Variants in REC114 observed in about 807,000 individuals in gnomAD.
REC114 encodes REC114 meiotic recombination protein.
A neutral mutation model predicts 31.3 loss-of-function variants in REC114; 27 were observed. That is an observed-to-expected ratio of 0.86 (90% confidence interval 0.64 to 1.19). The LOEUF (loss-of-function observed/expected upper bound fraction) is 1.19, where lower values mean the gene tolerates loss of function less well. REC114 is among the 50% of genes most tolerant of loss of function. REC114 has a pLI of 0.00. For missense variants in REC114, 344 were observed against 326.9 expected (o/e 1.05, Z -0.40); for synonymous variants, 134 against 127.7 (o/e 1.05, Z -0.33).
intron 1 of REC114, among the ~76,000 whole-genome samples, chr15:73,452,355 G>C (rs1254964754): frequency 6.6e-6 from 1 of 152,106 alleles, no homozygotes; most frequent in African/African-American, 2.4e-5. Flanking sequence ...CAAACAGAGA[G>C]CCAAATCATG....
rs531222757 is a variant in REC114 at position 73,474,101 on chromosome 15, C to G, written c.249+180C>G. On this transcript the variant is annotated intron_variant, in intron 2 of 5. Transcript: ENST00000331090. ...ACAGAAACGTACTGAATATTGCCTG[C>G]CCTAAAGGGGTTTAGGATTTTGTTG... Among the ~76,000 whole-genome samples, 20 of 152,234 alleles carry G rather than the reference C, an allele frequency of 1.3e-4. No homozygotes were observed. The South Asian group carries it at 4.2e-3, about 32-fold the overall frequency.
chr15:73,491,300 C>CTTAATTTTGTGTATT (rs1567868943), intron 2 of REC114, among the ~76,000 whole-genome samples: 1 of 151,472 alleles, frequency 6.6e-6, no homozygotes, highest in Non-Finnish European at 1.5e-5. Context: ...TGTGTATTTT[C>CTTAATTTTGTGTATT]TTAATTTCTT....
At position 73,558,155 on chromosome 15, in the gene REC114, ACAT is replaced by A. The variant is rs1405422168; in HGVS notation, c.637-1593_637-1591del. On this transcript the variant is annotated intron_variant, in intron 5 of 5. Transcript: ENST00000331090. ...AGGAGTTCAAGACTAGCCTGGCCTA[ACAT>A]CATATTGAGACCCCCATCTCTAAAA... Among the ~76,000 whole-genome samples the A allele has an allele frequency of 8.5e-5, 13 of 152,312 alleles. No homozygotes were observed. In the East Asian group the frequency reaches 2.5e-3, roughly 29 times the overall value.
chr15:73,468,243 T>G (rs117875431), intron 1 of REC114, among the ~76,000 whole-genome samples: 1,715 of 152,322 alleles, frequency 0.011, 86 homozygotes, highest in Admixed American at 0.084. Flanking sequence ...GAACAAAATA[T>G]TTCTCTCCAT....
intron 2 of REC114, among the ~76,000 whole-genome samples, chr15:73,479,469 A>G (rs1893263212): frequency 6.6e-6 from 1 of 152,114 alleles, no homozygotes; most frequent in Non-Finnish European, 1.5e-5. Flanking sequence ...ATTCTAGCAG[A>G]TTTCAAATAT....
intron 1 of REC114, among the ~76,000 whole-genome samples, chr15:73,473,496 G>A (rs1893163182): frequency 6.6e-6 from 1 of 152,122 alleles, no homozygotes; most frequent in Non-Finnish European, 1.5e-5. Context: ...TTTACAGAAA[G>A]AATACTGAGG....
Position 73,559,963 on chromosome 15 carries a change from T to G in REC114, c.*47T>G, listed in dbSNP as rs894288588. The G allele has an allele frequency of 1.3e-5, 18 of 1,436,670 alleles. No homozygotes were observed. Among genetic ancestry groups the G allele is most frequent in the Non-Finnish European group, 1.7e-5 (18 of 1,069,870 alleles). 89.0% of individuals were successfully genotyped at this position (1,436,670 alleles called of 1,614,324 possible). On this transcript the variant is annotated 3_prime_UTR_variant, in exon 6 of 6. Transcript: ENST00000331090. ...TAAGGAACTTCAAAGTATTGAAAAA[T>G]GCTTCCTCCTAAAATTAAAGAAGAT...
At chr15:73,515,332 CAT>C (rs1474149632) in intron 2 of REC114, among the ~76,000 whole-genome samples, 1 of 152,170 alleles carries the variant, frequency 6.6e-6, no homozygotes, top group Non-Finnish European at 1.5e-5. Context: ...ACAGAACAAT[CAT>C]ATGATTATTT....
In REC114 at chr15:73,544,395, G is replaced by A. The variant is rs577207016; in HGVS notation, c.333+3827G>A. On this transcript the variant is annotated intron_variant, in intron 3 of 5. Coordinates refer to ENST00000331090, the MANE Select transcript of REC114 (RefSeq NM_001042367.2). ...AACACTATTATTTAATTGACAAATG[G>A]AAGAAGTAAAATTTTCATTCCTTTT... Among the ~76,000 whole-genome samples the A allele has an allele frequency of 1.2e-4, 18 of 152,210 alleles. 2 individuals are homozygous for A. In the South Asian group the frequency reaches 3.7e-3, roughly 32 times the overall value.
At chr15:73,443,609 C>T (rs1033649174) in intron 1 of REC114, among the ~76,000 whole-genome samples, 2 of 152,104 alleles carry the variant, frequency 1.3e-5, no homozygotes, top group Non-Finnish European at 2.9e-5. Flanking sequence ...ATTTATTGAG[C>T]GTCAAGTATG....
chr15:73,471,292 G>A (rs1255994397), intron 1 of REC114, among the ~76,000 whole-genome samples: 1 of 152,200 alleles, frequency 6.6e-6, no homozygotes, highest in African/African-American at 2.4e-5. Flanking sequence ...AGGATTTGCT[G>A]ATGGATTGGA....
chr15:73,482,464 G>A (rs1304019252), intron 2 of REC114, among the ~76,000 whole-genome samples: 1 of 152,212 alleles, frequency 6.6e-6, no homozygotes, highest in Admixed American at 6.5e-5. Flanking sequence ...TGAGTAGATG[G>A]TGGTGCCATG....
At chr15:73,529,791 G>A (rs142907692) in intron 2 of REC114, among the ~76,000 whole-genome samples, 2 of 152,212 alleles carry the variant, frequency 1.3e-5, no homozygotes, top group East Asian at 1.9e-4. Context: ...ATTGTTGGGT[G>A]GTTATTTGTT....
intron 2 of REC114, among the ~76,000 whole-genome samples, chr15:73,523,497 A>G (rs1411726240): frequency 1.3e-5 from 2 of 152,182 alleles, no homozygotes; most frequent in African/African-American, 4.8e-5. Context: ...GGTGCATACT[A>G]CTAAGTTAGG....
At chr15:73,556,034 T>C (rs2141338612) in intron 4 of REC114, among the ~76,000 whole-genome samples, 1 of 152,288 alleles carries the variant, frequency 6.6e-6, no homozygotes. Context: ...CCCCAGTGTC[T>C]GACAGGAAGA....
chr15:73,557,204 G>C (rs142493255), intron 5 of REC114, among the ~76,000 whole-genome samples: 1,592 of 151,744 alleles, frequency 0.01, 35 homozygotes, highest in African/African-American at 0.037. Flanking sequence ...TGAGTAGCTG[G>C]GATTACAGGC....
chr15:73,445,865 A>G (rs1892757650), intron 1 of REC114, among the ~76,000 whole-genome samples: 1 of 152,214 alleles, frequency 6.6e-6, no homozygotes, highest in Non-Finnish European at 1.5e-5. Context: ...ATAATAATGA[A>G]AAAGCTTGAA....
chr15:73,519,464 G>A (rs1260505369), intron 2 of REC114, among the ~76,000 whole-genome samples: 1 of 152,178 alleles, frequency 6.6e-6, no homozygotes, highest in African/African-American at 2.4e-5. Context: ...TATTATAGCA[G>A]CTAGAATGGA....
chr15:73,536,314 A>G (rs1367517820), intron 2 of REC114, among the ~76,000 whole-genome samples: 1 of 152,178 alleles, frequency 6.6e-6, no homozygotes, highest in Non-Finnish European at 1.5e-5. Context: ...TTCCTTTGGC[A>G]GTGATTCTTG....
Sources: allele counts gnomAD v4.1 joint callset (sites outside exome capture counted in the v4.1 genomes callset), GRCh38; gene constraint gnomAD v4.1.1; transcripts MANE v1.5; gene names NCBI Gene and HGNC (gene_info 2026-07-23, HGNC 2026-07-21).